GPSM1: variants seen among roughly 807,000 people sequenced by gnomAD.
GPSM1 encodes the protein G protein-signaling modulator 1.
Under a neutral mutation model 70.5 loss-of-function variants are expected in GPSM1, and 48 were observed. The observed-to-expected ratio is 0.68, with a 90% CI of 0.54 to 0.87. The LOEUF is 0.87. Ranked by LOEUF, GPSM1 falls within the 40% of genes least tolerant of loss-of-function variation. The probability of loss-of-function intolerance (pLI) is 0.00; values close to 1 mark genes in which losing one functional copy is unlikely to be tolerated. For synonymous variants in GPSM1, 416 were observed against 430.1 expected, an observed-to-expected ratio of 0.97 and a Z score of 0.41; for missense variants, 981 against 972.6, an observed-to-expected ratio of 1.01 and a Z score of -0.11.
At chr9:136,354,336 A>AG (rs1412829096) in intron 11 of GPSM1, among the ~76,000 whole-genome samples, 1 of 152,200 alleles carries the variant, frequency 6.6e-6, no homozygotes, top group African/African-American at 2.4e-5. Context: ...CGGGAGCCCT[A>AG]GTCCTGGGCT....
intron 9 of GPSM1, among the ~76,000 whole-genome samples, chr9:136,348,213 C>T (rs28684472): frequency 6.6e-6 from 1 of 152,206 alleles, no homozygotes; most frequent in African/African-American, 2.4e-5. Context: ...TTTGCGTCCC[C>T]GACCCTGGCC....
chr9:136,335,905 C>G (rs1554769122), intron 2 of GPSM1, 61 bp from the exon 3 acceptor site: 2 of 1,560,904 alleles, frequency 1.3e-6, no homozygotes, highest in African/African-American at 1.3e-5. Context: ...CTCAGCCTCC[C>G]CCCGGGCCCA....
intron 1 of GPSM1, among the ~76,000 whole-genome samples, chr9:136,329,877 G>A (rs185795802): frequency 6.8e-6 from 1 of 147,282 alleles, no homozygotes; most frequent in African/African-American, 2.5e-5. Context: ...GCCCCTGGGT[G>A]CTGGGTCGGT....
At chr9:136,334,053 G>A (rs577356500) in intron 1 of GPSM1, among the ~76,000 whole-genome samples, 11 of 152,290 alleles carry the variant, frequency 7.2e-5, no homozygotes, top group African/African-American at 2.4e-4. Context: ...GGTCGCTCAG[G>A]AGGATGGCTA....
chr9:136,344,175 C>A (rs1832462282), intron 9 of GPSM1, among the ~76,000 whole-genome samples: 1 of 108,634 alleles, frequency 9.2e-6, no homozygotes, highest in Admixed American at 1.1e-4. Flanking sequence ...CGGGGGGAGG[C>A]GCGGACAGGA....
intron 13 of GPSM1, 101 bp from the exon 14 acceptor site, chr9:136,357,913 C>T (rs781879196): frequency 3.8e-5 from 34 of 893,248 alleles, no homozygotes; most frequent in Non-Finnish European, 6.0e-5. Context: ...GGGGGAAGCC[C>T]GTGAACAGTG....
In GPSM1 at chr9:136,343,787, G is replaced by T. The variant is rs1554770736; in HGVS notation, c.1207+2794G>T. On this transcript the variant is annotated intron_variant, in intron 9 of 13. Transcript: ENST00000440944. The surrounding 1 kb of genome is among the most constrained non-coding windows in gnomAD (Gnocchi z 6.0). Reference sequence around the variant, plus strand: ...GTAAGCCTGTTGCGTTCGGGCCCTGGGTGGACGAGGCAGGTGTGGCTGCAG... The same window carrying T: ...GTAAGCCTGTTGCGTTCGGGCCCTGTGTGGACGAGGCAGGTGTGGCTGCAG... Among the ~76,000 whole-genome samples the T allele has an allele frequency of 6.6e-6, 1 of 152,212 alleles. No individual in the cohort carries two copies. Among genetic ancestry groups the T allele is most frequent in the Non-Finnish European group, 1.5e-5 (1 of 68,036 alleles).
chr9:136,353,302 A>T (rs1832721633), intron 11 of GPSM1: 1 of 165,834 alleles, frequency 6.0e-6, no homozygotes, highest in African/African-American at 2.4e-5. Flanking sequence ...GAGAGACTAG[A>T]GTCAGACTGC....
chr9:136,331,461 G>A (rs1554768468), intron 1 of GPSM1, among the ~76,000 whole-genome samples: 1 of 151,944 alleles, frequency 6.6e-6, no homozygotes, highest in African/African-American at 2.4e-5. Flanking sequence ...AGGAGGCACA[G>A]GGGCCTGGAG....
rs1231941662 is a variant in GPSM1, at chr9:136,340,664, G to T, written c.1084-206G>T. Among the ~76,000 whole-genome samples, 1 of 151,994 alleles carries T rather than the reference G, an allele frequency of 6.6e-6. No homozygotes were observed. The highest frequency in any genetic ancestry group is 1.5e-5 in the Non-Finnish European group (1 of 67,980). ...ACTAGGGGCTGTTGAGGACCTGTGG[G>T]GCCACCTCACCCAGGGACAGACCCC... On this transcript the variant is annotated intron_variant, in intron 8 of 13. Coordinates refer to ENST00000440944, the MANE Select transcript of GPSM1 (RefSeq NM_001145638.3). This position sits in a 1 kb window ranked among gnomAD's most constrained non-coding sequence, Gnocchi z 7.3.
At chr9:136,335,840 G>A in intron 2 of GPSM1, 126 bp from the exon 3 acceptor site, 1 of 964,438 alleles carries the variant, frequency 1.0e-6, no homozygotes, top group Non-Finnish European at 1.5e-6. Context: ...CTCAGGGGTT[G>A]CAGGCTCCTG....
chr9:136,355,926 G>A, intron 12 of GPSM1, 80 bp downstream of exon 12: 1 of 1,277,070 alleles, frequency 7.8e-7, no homozygotes, highest in Non-Finnish European at 1.1e-6. Context: ...TGCTTCCAGT[G>A]AGGAGTTTTC....
intron 9 of GPSM1, among the ~76,000 whole-genome samples, chr9:136,346,761 C>T (rs1274802616): frequency 6.6e-6 from 1 of 152,180 alleles, no homozygotes; most frequent in Non-Finnish European, 1.5e-5. Flanking sequence ...AAATCAGGGC[C>T]CTGCTGAGGC....
chr9:136,353,858 G>T (rs1832739206), intron 11 of GPSM1, among the ~76,000 whole-genome samples: 2 of 152,176 alleles, frequency 1.3e-5, no homozygotes, highest in Non-Finnish European at 2.9e-5. Context: ...TACCTGTGTG[G>T]CCCCAACTGG....
rs1554768901 is a variant in GPSM1, at chr9:136,334,492, G to T, written c.114G>T (p.Leu38=). The T allele has an allele frequency of 6.2e-7, 1 of 1,613,166 alleles. No individual in the cohort carries two copies. Among genetic ancestry groups the T allele is most frequent in the Non-Finnish European group, 8.5e-7 (1 of 1,179,962 alleles). Residue 38 remains leucine, a synonymous_variant, in exon 2 of 14, where the codon CTG becomes CTT. Coordinates refer to ENST00000440944, the MANE Select transcript of GPSM1 (RefSeq NM_001145638.3). ...CLELALEGER[L]CKAGDFKTGV... is the part of the protein sequence containing the mutation. ...AGCTGGCGCTGGAGGGCGAGCGTCTGTGCAAGGCGGGCGACTTCAAGACAG... is the reference window on the plus strand; with the variant it reads ...AGCTGGCGCTGGAGGGCGAGCGTCTTTGCAAGGCGGGCGACTTCAAGACAG...
chr9:136,355,609 T>G (rs1053937692), intron 11 of GPSM1, 81 bp from the exon 12 acceptor site: 20 of 1,329,324 alleles, frequency 1.5e-5, no homozygotes, highest in Middle Eastern at 1.9e-4. Flanking sequence ...GAAGTGTGTG[T>G]GGCCTGGGCA....
intron 1 of GPSM1, among the ~76,000 whole-genome samples, chr9:136,329,345 C>T (rs560244749): frequency 1.3e-5 from 2 of 152,314 alleles, no homozygotes; most frequent in East Asian, 1.9e-4. Flanking sequence ...TTTGGGCAGG[C>T]GGTTCCTGGT....
At position 136,340,865 on chromosome 9, in the gene GPSM1, C is replaced by T. The variant is rs1268118502; in HGVS notation, c.1084-5C>T. 7.7e-6 allele frequency: 12 copies of T among 1,567,198 alleles called. No homozygotes were observed. Among genetic ancestry groups the T allele is most frequent in the Admixed American group, 3.7e-5 (2 of 54,220 alleles). The stretch of plus-strand genomic sequence containing the variant: ...CTGCCCGCTCCGCCACCCCACTCGC[C>T]GCAGATCGGGGACCGCCATGGGGAG... On this transcript the variant is annotated splice_polypyrimidine_tract_variant and splice_region_variant and intron_variant, in intron 8 of 13. Transcript: ENST00000440944. This position sits in a 1 kb window ranked among gnomAD's most constrained non-coding sequence, Gnocchi z 7.3.
chr9:136,348,729 G>A lies in GPSM1; in HGVS notation c.1240G>A (p.Ala414Thr), dbSNP rs1554771629. 12 of 1,612,344 alleles carry A rather than the reference G, an allele frequency of 7.4e-6. No individual in the cohort carries two copies. Among genetic ancestry groups the A allele is most frequent in the Middle Eastern group, 1.7e-4 (1 of 6,048 alleles). Residue 414 changes from alanine to threonine, a missense_variant, in exon 10 of 14, where the codon GCG becomes ACG. Coordinates refer to ENST00000440944, the MANE Select transcript of GPSM1 (RefSeq NM_001145638.3). ...ACCCAAGAGGACGCAGAGGCTGAGC[G>A]CGGAGACCTGGGACCTGCTGAGACT... ...ARPKRTQRLSAETWDLLRLPL... is the reference protein window; with the variant it reads ...ARPKRTQRLSTETWDLLRLPL...
Sources: gnomAD v4.1 joint callset for allele counts (sites outside exome capture counted in the v4.1 genomes callset) on GRCh38, gnomAD v4.1.1 for gene constraint, Gnocchi (gnomAD v3.1) non-coding constraint, MANE v1.5 for transcripts, NCBI Gene and HGNC (gene_info 2026-07-23, HGNC 2026-07-21) for gene names.